DCAF8L2: variants seen among roughly 807,000 people sequenced by gnomAD.
The protein encoded by DCAF8L2 is DDB1 and CUL4 associated factor 8 like 2, also known as DDB1- and CUL4-associated factor 8-like protein 2.
For missense variants in DCAF8L2, 430 were observed against 490.7 expected (o/e 0.88, Z 1.17); for synonymous variants, 200 against 190.9 (o/e 1.05, Z -0.39).
rs1282006601 is a variant in DCAF8L2, at chrX:27,641,272, ATTCT to A, written c.-220+9276_-220+9279del. ...AAAATTGCACATCTACTGGTGATGA[ATTCT>A]TTCACTTCTTGTATATTGAAATAAG... is the stretch of plus-strand genomic sequence containing the variant. On this transcript the variant is annotated intron_variant, in intron 2 of 4. Coordinates refer to ENST00000451261, the MANE Select transcript of DCAF8L2 (RefSeq NM_001353450.2). Among the ~76,000 whole-genome samples, 43 of 110,666 alleles carry A rather than the reference ATTCT, an allele frequency of 3.9e-4. 1 individual carries two copies. Among genetic ancestry groups the A allele is most frequent in the Non-Finnish European group, 2.8e-4 (15 of 52,841 alleles).
chrX:27,499,816 T>A, the DCAF8L2 span, among the ~76,000 whole-genome samples: 3 of 89,274 alleles, frequency 3.4e-5, no homozygotes, highest in South Asian at 2.1e-3. Context: ...AGGATTACAA[T>A]TCAACATGAG....
At chrX:27,616,634 C>T (rs1227915449) in intron 1 of DCAF8L2, among the ~76,000 whole-genome samples, 7 of 111,294 alleles carry the variant, frequency 6.3e-5, no homozygotes, top group Admixed American at 4.8e-4. Context: ...TTTCTCCCTC[C>T]AACTCTTGCC....
chrX:27,528,553 G>A, the DCAF8L2 span, among the ~76,000 whole-genome samples: 1 of 104,457 alleles, frequency 9.6e-6, no homozygotes, highest in Non-Finnish European at 1.9e-5. Context: ...CAAGTTTAAT[G>A]TTTATAACTT....
At chrX:27,587,987 T>A (rs2380225), upstream of DCAF8L2, among the ~76,000 whole-genome samples, 1,313 of 9,775 alleles carry the variant, frequency 0.13, 15 homozygotes, top group Middle Eastern at 0.2. Context: ...AAAAAAAAAA[T>A]ATATATATAT....
At chrX:27,495,693 G>C in the DCAF8L2 span, among the ~76,000 whole-genome samples, 1 of 111,515 alleles carries the variant, frequency 9.0e-6, no homozygotes, top group Non-Finnish European at 1.9e-5. Flanking sequence ...CATGGGAATT[G>C]TTTTCATTTT....
At chrX:27,531,286 C>A in the DCAF8L2 span, among the ~76,000 whole-genome samples, 1,110 of 111,195 alleles carry the variant, frequency 1.0e-2, 5 homozygotes, top group Non-Finnish European at 0.017. Flanking sequence ...GGGGAACTCC[C>A]CTTTATAAAA....
intron 1 of DCAF8L2, among the ~76,000 whole-genome samples, chrX:27,598,638 C>G (rs374849815): frequency 2.5e-4 from 28 of 111,937 alleles, no homozygotes; most frequent in African/African-American, 8.7e-4. Flanking sequence ...GCATGCAGCA[C>G]GTAACCCTTG....
chrX:27,489,761 C>T, the DCAF8L2 span, among the ~76,000 whole-genome samples: 1 of 112,370 alleles, frequency 8.9e-6, no homozygotes, highest in Non-Finnish European at 1.9e-5. Flanking sequence ...ACATTCCCCT[C>T]ACCAGTGTGG....
In DCAF8L2 at chrX:27,612,471, T is replaced by A. The variant is rs1465062212; in HGVS notation, c.-341-19408T>A. 2.7e-5 allele frequency among the ~76,000 whole-genome samples: 3 copies of A among 112,257 alleles called. No homozygotes were observed. In the Admixed American group the frequency reaches 2.8e-4, roughly 11 times the overall value. ...TTAATTAGATCCCATTTGCCTATTT[T>A]GGCATTTGTTGCCATTGTTTTTTGT... On this transcript the variant is annotated intron_variant, in intron 1 of 4. Transcript: ENST00000451261.
chrX:27,669,155 T>C (rs1929852819), intron 2 of DCAF8L2, among the ~76,000 whole-genome samples: 1 of 111,564 alleles, frequency 9.0e-6, no homozygotes, highest in Non-Finnish European at 1.9e-5. Context: ...AATATTCATG[T>C]TGCCTCACTC....
Position 27,747,406 on chromosome X carries a change from C to T in DCAF8L2, c.511C>T (p.Leu171=), listed in dbSNP as rs749840777. 51 of 1,167,525 alleles carry T rather than the reference C, an allele frequency of 4.4e-5. No homozygotes were observed. Among genetic ancestry groups the T allele is most frequent in the East Asian group, 6.5e-5 (2 of 30,832 alleles). The change falls in exon 5 of 5, where the codon CTG becomes TTG. Residue 171 remains leucine (L), a synonymous_variant. Coordinates refer to ENST00000451261, the MANE Select transcript of DCAF8L2 (RefSeq NM_001353450.2). ...GTATTCGTTAGAGGAGGATCAGGCGCTGGAGGAGTGGGTTTCCTCAGAGAC... is the reference window on the plus strand; with the variant it reads ...GTATTCGTTAGAGGAGGATCAGGCGTTGGAGGAGTGGGTTTCCTCAGAGAC... The part of the protein sequence containing the change: ...EQYSLEEDQA[L]EEWVSSETSA...
intron 2 of DCAF8L2, among the ~76,000 whole-genome samples, chrX:27,634,502 G>T (rs144595818): frequency 9.1e-6 from 1 of 110,413 alleles, no homozygotes; most frequent in African/African-American, 3.3e-5. Context: ...CATAACCTCA[G>T]GAAAGTTACT....
At chrX:27,628,615 T>G (rs912014681) in intron 1 of DCAF8L2, among the ~76,000 whole-genome samples, 5 of 108,767 alleles carry the variant, frequency 4.6e-5, no homozygotes, top group African/African-American at 1.7e-4. Context: ...CTTTTTTTTT[T>G]TTTTTTGAGA....
At chrX:27,509,066 T>G in the DCAF8L2 span, among the ~76,000 whole-genome samples, 2 of 111,643 alleles carry the variant, frequency 1.8e-5, no homozygotes, top group African/African-American at 6.5e-5. Flanking sequence ...TCAGGAATAC[T>G]GTGTCAATAG....
At chrX:27,589,369 A>C (rs938575715), upstream of DCAF8L2, among the ~76,000 whole-genome samples, 1 of 112,192 alleles carries the variant, frequency 8.9e-6, no homozygotes, top group Admixed American at 9.5e-5. Context: ...AAATAAGGCA[A>C]ATGCATTGCA....
chrX:27,499,947 G>A, the DCAF8L2 span, among the ~76,000 whole-genome samples: 133 of 111,681 alleles, frequency 1.2e-3, no homozygotes, highest in Non-Finnish European at 2.2e-3. Flanking sequence ...GTTTCCTTTG[G>A]TGTGGATAAA....
the DCAF8L2 span, among the ~76,000 whole-genome samples, chrX:27,524,144 G>A: frequency 9.0e-5 from 10 of 111,483 alleles, no homozygotes; most frequent in Non-Finnish European, 1.7e-4. Context: ...ACTCGGCTGT[G>A]AATCCGTCTG....
At chrX:27,564,154 G>A in the DCAF8L2 span, among the ~76,000 whole-genome samples, 1 of 111,743 alleles carries the variant, frequency 8.9e-6, no homozygotes, top group African/African-American at 3.2e-5. Flanking sequence ...TGGCAGAAGA[G>A]GAAGTAAACA....
intron 3 of DCAF8L2, among the ~76,000 whole-genome samples, chrX:27,699,552 A>G (rs1346189878): frequency 4.5e-5 from 5 of 111,786 alleles, no homozygotes; most frequent in Non-Finnish European, 9.4e-5. Context: ...AAATGTGGAT[A>G]GAGAACAACT....
Sources: gnomAD v4.1 joint callset for allele counts (sites outside exome capture counted in the v4.1 genomes callset) on GRCh38, gnomAD v4.1.1 for gene constraint, MANE v1.5 for transcripts, NCBI Gene and HGNC (gene_info 2026-07-23, HGNC 2026-07-21) for gene names.